FIG4: variants seen among roughly 807,000 people sequenced by gnomAD.
The protein encoded by FIG4 is FIG4 phosphoinositide 5-phosphatase, also known as polyphosphoinositide phosphatase.
FIG4 carries 112 observed loss-of-function variants against 118.6 expected under a neutral mutation model. That is an observed-to-expected ratio of 0.94 (90% confidence interval 0.81 to 1.11). The LOEUF is 1.11. Among genes scored for constraint, FIG4 ranks in the 50% least tolerant of loss-of-function variants. The pLI is 0.00. For synonymous variants in FIG4, 369 were observed against 381.2 expected (o/e 0.97, Z 0.37); for missense variants, 969 against 1,111.7 (o/e 0.87, Z 1.83).
intron 15 of FIG4, among the ~76,000 whole-genome samples, chr6:109,767,858 C>T (rs192170477): frequency 3.2e-4 from 48 of 151,732 alleles, no homozygotes; most frequent in African/African-American, 1.1e-3. Flanking sequence ...GGCGACAGAG[C>T]AAGACTCCAT....
intron 18 of FIG4, among the ~76,000 whole-genome samples, chr6:109,788,811 G>A (rs1778058522): frequency 6.6e-6 from 1 of 152,188 alleles, no homozygotes; most frequent in Non-Finnish European, 1.5e-5. Flanking sequence ...CACGCTTGGA[G>A]CAGTGTCCTT....
chr6:109,781,774 A>G (rs1161050041), intron 16 of FIG4, among the ~76,000 whole-genome samples: 1 of 145,926 alleles, frequency 6.9e-6, no homozygotes, highest in African/African-American at 2.4e-5. Flanking sequence ...TAGTTTCTTC[A>G]GATTTAATCA....
At chr6:109,816,515 T>A (rs1157715951) in intron 22 of FIG4, among the ~76,000 whole-genome samples, 1 of 152,192 alleles carries the variant, frequency 6.6e-6, no homozygotes, top group Non-Finnish European at 1.5e-5. Flanking sequence ...AATAATCACG[T>A]ATCACTATCA....
chr6:109,739,432 A>G (rs1047911391), intron 7 of FIG4, among the ~76,000 whole-genome samples: 8 of 152,162 alleles, frequency 5.3e-5, no homozygotes, highest in African/African-American at 1.7e-4. Flanking sequence ...CTAGTATGTT[A>G]GACTTTTAAA....
At chr6:109,727,349 C>A in intron 4 of FIG4, 84 bp downstream of exon 4, 1 of 1,118,198 alleles carries the variant, frequency 8.9e-7, no homozygotes, top group Non-Finnish European at 1.4e-6. Flanking sequence ...AATATAATGG[C>A]ATGGTCATAG....
intron 10 of FIG4, among the ~76,000 whole-genome samples, chr6:109,746,277 G>T (rs1042240760): frequency 2.0e-5 from 3 of 152,144 alleles, no homozygotes; most frequent in African/African-American, 7.2e-5. Flanking sequence ...TATGTGCAAA[G>T]GCAGTTCTAG....
intron 10 of FIG4, among the ~76,000 whole-genome samples, chr6:109,753,461 T>C (rs1160972197): frequency 6.6e-6 from 1 of 151,984 alleles, no homozygotes; most frequent in African/African-American, 2.4e-5. Context: ...TTAAAGTAGT[T>C]TTTTCCAATT....
At chr6:109,783,826 T>C (rs915954448) in intron 16 of FIG4, among the ~76,000 whole-genome samples, 2 of 152,250 alleles carry the variant, frequency 1.3e-5, no homozygotes, top group Non-Finnish European at 2.9e-5. Flanking sequence ...TACATGCACA[T>C]TGAATTTTGA....
At chr6:109,768,733 G>A (rs1777357872) in intron 15 of FIG4, among the ~76,000 whole-genome samples, 1 of 152,084 alleles carries the variant, frequency 6.6e-6, no homozygotes, top group African/African-American at 2.4e-5. Context: ...GTGACATCCC[G>A]TCATCTTTGC....
chr6:109,699,558 A>G (rs1188468702), intron 1 of FIG4, among the ~76,000 whole-genome samples: 1 of 143,794 alleles, frequency 7.0e-6, no homozygotes, highest in Non-Finnish European at 1.5e-5. Flanking sequence ...GCTGGAGTGC[A>G]GTGGCTCGAT....
intron 7 of FIG4, among the ~76,000 whole-genome samples, chr6:109,740,581 A>C (rs1776293486): frequency 6.6e-6 from 1 of 152,186 alleles, no homozygotes; most frequent in Admixed American, 6.5e-5. Flanking sequence ...AGCAGTTCAC[A>C]ATAAATTATT....
chr6:109,801,318 C>T (rs1210736678), intron 22 of FIG4, among the ~76,000 whole-genome samples: 5 of 152,030 alleles, frequency 3.3e-5, no homozygotes, highest in East Asian at 1.9e-4. Flanking sequence ...GAGGCTGAGG[C>T]GGGTGGATCA....
chr6:109,821,318 T>G (rs1428609661), intron 22 of FIG4, among the ~76,000 whole-genome samples: 2 of 152,194 alleles, frequency 1.3e-5, no homozygotes, highest in African/African-American at 4.8e-5. Context: ...AAGTAAATCT[T>G]TCCTGAGCAA....
intron 10 of FIG4, among the ~76,000 whole-genome samples, chr6:109,758,127 C>G (rs1776979973): frequency 6.6e-6 from 1 of 151,984 alleles, no homozygotes; most frequent in African/African-American, 2.4e-5. Flanking sequence ...CATATGGAAC[C>G]AAAAAAGAGC....
chr6:109,737,976 G>A (rs1776208990), intron 6 of FIG4, among the ~76,000 whole-genome samples: 2 of 152,116 alleles, frequency 1.3e-5, no homozygotes, highest in South Asian at 4.1e-4. Flanking sequence ...TCATAGCCCT[G>A]TGCTCAACCG....
intron 7 of FIG4, among the ~76,000 whole-genome samples, chr6:109,739,459 C>A (rs895064811): frequency 6.6e-6 from 1 of 152,122 alleles, no homozygotes; most frequent in Admixed American, 6.6e-5. Flanking sequence ...GGCGTTTGTA[C>A]ATTTTCCCCC....
chr6:109,735,219 A>G lies in FIG4; in HGVS notation c.567A>G (p.Leu189=). Residue 189 remains leucine (L), a synonymous_variant, in exon 6 of 23, where the codon TTA becomes TTG. Coordinates refer to ENST00000230124, the MANE Select transcript of FIG4 (RefSeq NM_014845.6). The stretch of plus-strand genomic sequence containing the variant: ...TCTTGCGAATGCCCCTGGAGATGTT[A>G]AAGTCAGAAATGACCCAGAATCGCC... The part of the protein sequence containing the change: ...LTVLRMPLEM[L]KSEMTQNRQE... The G allele has an allele frequency of 6.2e-7, 1 of 1,613,222 alleles. No individual in the cohort carries two copies. The highest frequency in any genetic ancestry group is 8.5e-7 in the Non-Finnish European group (1 of 1,179,300).
At chr6:109,762,240 G>T (rs1036291409) in intron 12 of FIG4, 33 bp downstream of exon 12, 13 of 1,323,614 alleles carry the variant, frequency 9.8e-6, no homozygotes, top group Non-Finnish European at 1.4e-5. Flanking sequence ...TATAATAAAT[G>T]ATGATTTTTG....
chr6:109,810,143 G>C (rs533932188), intron 22 of FIG4, among the ~76,000 whole-genome samples: 42 of 152,252 alleles, frequency 2.8e-4, no homozygotes, highest in African/African-American at 1.0e-3. Flanking sequence ...TAACCCCTAA[G>C]TATGTTACTG....
Sources: allele counts gnomAD v4.1 joint callset (sites outside exome capture counted in the v4.1 genomes callset), GRCh38; gene constraint gnomAD v4.1.1; transcripts MANE v1.5; gene names NCBI Gene and HGNC (gene_info 2026-07-23, HGNC 2026-07-21).